The following NLGN1 variants were observed in gnomAD, a reference collection of about 807,000 sequenced individuals.
NLGN1 encodes neuroligin-1.
NLGN1 carries 12 observed loss-of-function variants against 65.5 expected under a neutral mutation model. The ratio of observed to expected loss-of-function variants is 0.18; its 90% confidence interval spans 0.12 to 0.30. The LOEUF is 0.30. Ranked by LOEUF, NLGN1 falls within the 10% of genes least tolerant of loss-of-function variation. The pLI is 1.00. For synonymous variants in NLGN1, 350 were observed against 359.5 expected (o/e 0.97, Z 0.30); for missense variants, 750 against 1,007.1 (o/e 0.74, Z 3.46).
chr3:173,695,305 T>C (rs1435158443), intron 3 of NLGN1, among the ~76,000 whole-genome samples: 1 of 152,200 alleles, frequency 6.6e-6, no homozygotes, highest in African/African-American at 2.4e-5. Flanking sequence ...TGTTTCAAAG[T>C]AGTTGTCTTC....
At chr3:173,513,824 A>G (rs1307367054) in intron 2 of NLGN1, among the ~76,000 whole-genome samples, 4 of 151,960 alleles carry the variant, frequency 2.6e-5, no homozygotes, top group Non-Finnish European at 4.4e-5. Context: ...TCAGGAGTTC[A>G]CAACCAGCCT....
At chr3:173,863,344 A>G (rs747314961) in intron 4 of NLGN1, among the ~76,000 whole-genome samples, 40 of 152,180 alleles carry the variant, frequency 2.6e-4, no homozygotes, top group Admixed American at 4.6e-4. Flanking sequence ...TAAAATGGAT[A>G]TACGTTTCCT....
At chr3:173,776,563 A>G (rs1345591801) in intron 3 of NLGN1, among the ~76,000 whole-genome samples, 1 of 151,588 alleles carries the variant, frequency 6.6e-6, no homozygotes, top group Admixed American at 6.6e-5. Flanking sequence ...TGTGTGGGAA[A>G]CTCGATTTAA....
rs200594152 is a variant in NLGN1, at chr3:174,257,738, T to TA, written c.647-17577_647-17576insA. On this transcript the variant is annotated intron_variant, in intron 4 of 6. Transcript: ENST00000457714. The stretch of plus-strand genomic sequence containing the variant: ...CTAGTGGAATATATATATATATATA[T>TA]TTATTCAGCTTCTGTTTCCTGTAAT... 4.7e-3 allele frequency among the ~76,000 whole-genome samples: 719 copies of TA among 151,412 alleles called. 16 individuals are homozygous for TA. Among genetic ancestry groups the TA allele is most frequent in the East Asian group, 0.027 (140 of 5,138 alleles).
intron 2 of NLGN1, among the ~76,000 whole-genome samples, chr3:173,594,005 G>C (rs750913963): frequency 6.6e-6 from 1 of 152,132 alleles, no homozygotes; most frequent in African/African-American, 2.4e-5. Flanking sequence ...CCGACAACAC[G>C]TGGGAATTAT....
chr3:173,999,469 A>G (rs1722875081), intron 4 of NLGN1, among the ~76,000 whole-genome samples: 1 of 152,180 alleles, frequency 6.6e-6, no homozygotes, highest in Non-Finnish European at 1.5e-5. Context: ...TATATGTTGT[A>G]AAAAACCAGA....
chr3:173,840,561 T>C (rs1724583981), intron 4 of NLGN1, among the ~76,000 whole-genome samples: 1 of 152,186 alleles, frequency 6.6e-6, no homozygotes, highest in Admixed American at 6.5e-5. Context: ...AATGAGGTTG[T>C]ACAGGTAAGC....
chr3:173,889,403 CA>C (rs1281610530), intron 4 of NLGN1, among the ~76,000 whole-genome samples: 1 of 152,024 alleles, frequency 6.6e-6, no homozygotes, highest in East Asian at 1.9e-4. Context: ...TGTTTTACTA[CA>C]AACAGTGACA....
intron 5 of NLGN1, among the ~76,000 whole-genome samples, chr3:174,275,794 G>C (rs976658837): frequency 6.6e-6 from 1 of 151,836 alleles, no homozygotes; most frequent in Non-Finnish European, 1.5e-5. Context: ...CCTTTAAAGG[G>C]TGATTTGAAG....
intron 4 of NLGN1, among the ~76,000 whole-genome samples, chr3:174,135,641 A>C (rs1721070577): frequency 6.6e-6 from 1 of 152,150 alleles, no homozygotes; most frequent in Non-Finnish European, 1.5e-5. Context: ...ACATATTTAC[A>C]GTAGTTGAAA....
At chr3:174,001,342 A>G (rs1456828601) in intron 4 of NLGN1, among the ~76,000 whole-genome samples, 1 of 152,152 alleles carries the variant, frequency 6.6e-6, no homozygotes, top group Non-Finnish European at 1.5e-5. Context: ...TTCTTTGAAA[A>G]AAAAAAATCA....
At chr3:174,269,296 C>T (rs1294498867) in intron 4 of NLGN1, among the ~76,000 whole-genome samples, 1 of 151,912 alleles carries the variant, frequency 6.6e-6, no homozygotes, top group Non-Finnish European at 1.5e-5. Flanking sequence ...CTTTTTCATA[C>T]AACACTGAAA....
chr3:174,137,941 T>A (rs1347757465), intron 4 of NLGN1, among the ~76,000 whole-genome samples: 2 of 152,202 alleles, frequency 1.3e-5, no homozygotes, highest in East Asian at 1.9e-4. Flanking sequence ...TGGCAAAGTG[T>A]CACTCTACTT....
chr3:173,534,409 C>G (rs1258717386), intron 2 of NLGN1, among the ~76,000 whole-genome samples: 3 of 152,180 alleles, frequency 2.0e-5, no homozygotes, highest in African/African-American at 7.2e-5. Context: ...ATTCAAATCA[C>G]TGGGGGCTTT....
intron 4 of NLGN1, among the ~76,000 whole-genome samples, chr3:174,262,046 G>C (rs1255692255): frequency 7.5e-6 from 1 of 134,040 alleles, no homozygotes; most frequent in Non-Finnish European, 1.6e-5. Context: ...ACTTGATCAT[G>C]GTGGATAAGC....
chr3:173,670,954 A>C (rs946554114), intron 3 of NLGN1, among the ~76,000 whole-genome samples: 1 of 152,244 alleles, frequency 6.6e-6, no homozygotes, highest in Non-Finnish European at 1.5e-5. Flanking sequence ...TAAAAAGTGC[A>C]TAGGTAACAA....
intron 3 of NLGN1, among the ~76,000 whole-genome samples, chr3:173,713,948 T>A (rs1259250021): frequency 6.6e-6 from 1 of 151,906 alleles, no homozygotes; most frequent in African/African-American, 2.4e-5. Flanking sequence ...GCTGGTTACA[T>A]CCTAACAAAG....
chr3:173,921,061 G>T (rs561843403), intron 4 of NLGN1, among the ~76,000 whole-genome samples: 1 of 150,998 alleles, frequency 6.6e-6, no homozygotes, highest in East Asian at 1.9e-4. Context: ...ATGTTTTGGG[G>T]ATTTAAATGA....
At chr3:173,792,640 A>G (rs1713062462) in intron 3 of NLGN1, among the ~76,000 whole-genome samples, 1 of 152,164 alleles carries the variant, frequency 6.6e-6, no homozygotes, top group African/African-American at 2.4e-5. Context: ...CACAATAAAA[A>G]AAAGACATAT....
Sources: gnomAD v4.1 joint callset for allele counts (sites outside exome capture counted in the v4.1 genomes callset) on GRCh38, gnomAD v4.1.1 for gene constraint, MANE v1.5 for transcripts, NCBI Gene and HGNC (gene_info 2026-07-23, HGNC 2026-07-21) for gene names.